The following BTBD8 variants were observed in gnomAD, a reference collection of about 807,000 sequenced individuals.
BTBD8 encodes BTB domain containing 8, also known as BTB/POZ domain-containing protein 8.
A neutral mutation model predicts 162.9 loss-of-function variants in BTBD8; 110 were observed. The ratio of observed to expected loss-of-function variants is 0.68; its 90% CI spans 0.58 to 0.79. BTBD8 has a LOEUF of 0.79. Among genes scored for constraint, BTBD8 ranks in the 30% least tolerant of loss-of-function variants. The probability of loss-of-function intolerance (pLI) is 0.00; values close to 1 mark genes in which losing one functional copy is unlikely to be tolerated. For missense variants in BTBD8, 1,905 were observed against 2,085.4 expected (o/e 0.91, Z 1.68); for synonymous variants, 667 against 716.1 (o/e 0.93, Z 1.10).
At chr1:92,117,613 C>G (rs1649078294) in intron 4 of BTBD8, among the ~76,000 whole-genome samples, 1 of 151,970 alleles carries the variant, frequency 6.6e-6, no homozygotes, top group Non-Finnish European at 1.5e-5. Context: ...TATGCACACT[C>G]AAATTATATT....
At chr1:92,147,881 A>G in intron 9 of BTBD8, 95 bp downstream of exon 9, 1 of 1,123,368 alleles carries the variant, frequency 8.9e-7, no homozygotes, top group South Asian at 1.5e-5. Context: ...TAAATGTAAA[A>G]TATTGTAAAA....
In BTBD8 at chr1:92,136,739, C is replaced by A. The variant is rs111372719; in HGVS notation, c.753-2611C>A. Among the ~76,000 whole-genome samples the A allele has an allele frequency of 1.5e-3, 235 of 152,302 alleles. 1 individual carries two copies. Among genetic ancestry groups the A allele is most frequent in the African/African-American group, 5.4e-3 (225 of 41,570 alleles). On this transcript the variant is annotated intron_variant, in intron 5 of 17. Transcript: ENST00000636805. ...GAGCCCAGGCTTTGGATTCAGTCTGCCTGGATTTAAATTCCAGTGCATTTT... is the reference window on the plus strand; with the variant it reads ...GAGCCCAGGCTTTGGATTCAGTCTGACTGGATTTAAATTCCAGTGCATTTT...
At chr1:92,183,774 T>A in intron 17 of BTBD8, 90 bp from the exon 18 acceptor site, 7 of 513,352 alleles carry the variant, frequency 1.4e-5, no homozygotes, top group Non-Finnish European at 2.1e-5. Flanking sequence ...TTTTTTTGAC[T>A]ATCACTGTTA....
At chr1:92,183,189 A>G (rs1048625482) in intron 17 of BTBD8, among the ~76,000 whole-genome samples, 2 of 152,172 alleles carry the variant, frequency 1.3e-5, no homozygotes, top group Admixed American at 6.5e-5. Flanking sequence ...GGCTTATTTC[A>G]TATTGTTTAG....
At position 92,177,026 on chromosome 1, in the gene BTBD8, T is replaced by A; in HGVS notation, c.1833T>A (p.Asp611Glu). 1.9e-6 allele frequency: 3 copies of A among 1,549,022 alleles called. No homozygotes were observed. Among genetic ancestry groups the A allele is most frequent in the Non-Finnish European group, 2.6e-6 (3 of 1,146,116 alleles). ...TLKQDDVKEK[D>E]GTKIASKITK... ...AGCAAGATGATGTAAAGGAAAAAGATGGTACAAAAATAGCATCTAAGATTA... is the reference window on the plus strand; with the variant it reads ...AGCAAGATGATGTAAAGGAAAAAGAAGGTACAAAAATAGCATCTAAGATTA... Residue 611 changes from aspartate to glutamate, a missense_variant, in exon 14 of 18, where the codon GAT becomes GAA. Transcript: ENST00000636805.
At chr1:92,178,152 G>A (rs1002900738) in intron 15 of BTBD8, among the ~76,000 whole-genome samples, 160 bp from the exon 16 acceptor site, 3 of 151,974 alleles carry the variant, frequency 2.0e-5, no homozygotes, top group African/African-American at 7.2e-5. Context: ...TTGATCTACA[G>A]TTTTATAAAC....
At chr1:92,099,024 T>C (rs1648521307) in intron 2 of BTBD8, among the ~76,000 whole-genome samples, 1 of 152,208 alleles carries the variant, frequency 6.6e-6, no homozygotes, top group Non-Finnish European at 1.5e-5. Flanking sequence ...TTTTGTACTT[T>C]TAGCTTTTCC....
chr1:92,112,748 T>G (rs971107728), intron 4 of BTBD8, among the ~76,000 whole-genome samples: 1 of 152,192 alleles, frequency 6.6e-6, no homozygotes, highest in Non-Finnish European at 1.5e-5. Flanking sequence ...TTTTACAAAG[T>G]TATGTTCTCT....
intron 2 of BTBD8, among the ~76,000 whole-genome samples, chr1:92,089,556 G>A (rs1474960734): frequency 6.6e-6 from 1 of 152,186 alleles, no homozygotes; most frequent in African/African-American, 2.4e-5. Context: ...CAGTTCGGGA[G>A]CCTGGGAAGT....
intron 15 of BTBD8, among the ~76,000 whole-genome samples, 171 bp downstream of exon 15, chr1:92,178,069 G>T (rs759206299): frequency 8.5e-5 from 13 of 152,130 alleles, no homozygotes; most frequent in Non-Finnish European, 1.6e-4. Flanking sequence ...TATGCAAAAT[G>T]ATTGAGGCAC....
intron 4 of BTBD8, among the ~76,000 whole-genome samples, chr1:92,110,246 A>T (rs1648853073): frequency 6.6e-6 from 1 of 152,204 alleles, no homozygotes; most frequent in Non-Finnish European, 1.5e-5. Flanking sequence ...CAGAGTGGTT[A>T]AGAGTGTGTG....
chr1:92,180,671 T>G lies in BTBD8; in HGVS notation c.2988T>G (p.Ser996=). ...KPHKPLINLA[S]EISDAEALQS... ...ACAAACCTCTCATTAATCTTGCATC[T>G]GAAATAAGTGATGCAGAAGCACTCC... Residue 996 remains serine, a synonymous_variant, in exon 17 of 18, where the codon TCT becomes TCG. Transcript: ENST00000636805. The G allele has an allele frequency of 6.4e-7, 1 of 1,551,276 alleles. No homozygotes were observed. The highest frequency in any genetic ancestry group is 2.0e-5 in the Admixed American group (1 of 50,920).
chr1:92,125,931 T>C, intron 4 of BTBD8: 2 of 442,278 alleles, frequency 4.5e-6, no homozygotes. Context: ...CTTTGGAGAA[T>C]TTGTTTTGAT....
At chr1:92,129,099 T>C (rs924164109) in intron 4 of BTBD8, among the ~76,000 whole-genome samples, 1 of 152,070 alleles carries the variant, frequency 6.6e-6, no homozygotes, top group South Asian at 2.1e-4. Context: ...TGTCTTTAGC[T>C]ACCTTTTTAT....
intron 13 of BTBD8, among the ~76,000 whole-genome samples, chr1:92,176,414 G>A (rs1002303912): frequency 6.6e-6 from 1 of 152,152 alleles, no homozygotes; most frequent in African/African-American, 2.4e-5. Context: ...TCATGGGACT[G>A]TTGTGAGGAT....
At chr1:92,134,968 T>A (rs972942048) in intron 5 of BTBD8, among the ~76,000 whole-genome samples, 4 of 151,748 alleles carry the variant, frequency 2.6e-5, no homozygotes, top group African/African-American at 4.8e-5. Flanking sequence ...CTCGGCTCAC[T>A]GCAACCTCCA....
Position 92,181,718 on chromosome 1 carries a change from A to G in BTBD8, c.4035A>G (p.Lys1345=). The G allele has an allele frequency of 1.9e-6, 3 of 1,551,622 alleles. No homozygotes were observed. Among genetic ancestry groups the G allele is most frequent in the Non-Finnish European group, 2.6e-6 (3 of 1,146,968 alleles). ...CGAGTGATGATGAAATCCCTAGGAA[A>G]AGGCCAGAAATTTGGTCTCGATCTG... ...NSTSDDEIPR[K]RPEIWSRSAI... Residue 1345 remains lysine, a synonymous_variant, in exon 17 of 18, where the codon AAA becomes AAG. Coordinates refer to ENST00000636805, the MANE Select transcript of BTBD8 (RefSeq NM_001376131.1).
chr1:92,168,133 G>T, intron 11 of BTBD8, 148 bp downstream of exon 11: 1 of 555,816 alleles, frequency 1.8e-6, no homozygotes, highest in Non-Finnish European at 2.8e-6. Context: ...GTATATGTTT[G>T]GAATTTTTTA....
chr1:92,173,347 A>C (rs1240176535), intron 13 of BTBD8, among the ~76,000 whole-genome samples: 1 of 152,354 alleles, frequency 6.6e-6, no homozygotes, highest in East Asian at 1.9e-4. Flanking sequence ...ATGGAATACG[A>C]CTAGGGTCCC....
Sources: allele counts gnomAD v4.1 joint callset (sites outside exome capture counted in the v4.1 genomes callset), GRCh38; gene constraint gnomAD v4.1.1; transcripts MANE v1.5; gene names NCBI Gene and HGNC (gene_info 2026-07-23, HGNC 2026-07-21).